Variants in CSMD1 observed in about 807,000 individuals in gnomAD.
The protein encoded by CSMD1 is CUB and sushi domain-containing protein 1.
A neutral mutation model predicts 417.5 loss-of-function variants in CSMD1; 213 were observed. The observed-to-expected ratio is 0.51, with a 90% CI of 0.46 to 0.57. The LOEUF (loss-of-function observed/expected upper bound fraction) is 0.57. Among genes scored for constraint, CSMD1 ranks in the 20% least tolerant of loss-of-function variants. The pLI, the probability that CSMD1 is intolerant of heterozygous loss-of-function variation, is 0.00. For missense variants in CSMD1, 6,923 were observed against 4,529.7 expected, an observed-to-expected ratio of 1.53 and a Z score of -15.17; for synonymous variants, 2,862 against 1,736.8, an observed-to-expected ratio of 1.65 and a Z score of -16.11.
intron 25 of CSMD1, among the ~76,000 whole-genome samples, chr8:3,302,083 C>G (rs1484774573): frequency 2.0e-5 from 3 of 152,034 alleles, no homozygotes; most frequent in Non-Finnish European, 4.4e-5. Flanking sequence ...GAGCATAACA[C>G]TGAAGACTAA....
chr8:4,900,723 C>G (rs1029974690), intron 1 of CSMD1, among the ~76,000 whole-genome samples: 1 of 152,350 alleles, frequency 6.6e-6, no homozygotes, highest in Admixed American at 6.5e-5. Context: ...CTCTCTTCCA[C>G]TCACGGAGTT....
At chr8:3,787,776 C>G (rs1473950516) in intron 5 of CSMD1, among the ~76,000 whole-genome samples, 4 of 152,184 alleles carry the variant, frequency 2.6e-5, no homozygotes, top group South Asian at 2.1e-4. Context: ...ATAATACAAG[C>G]TAGGAACTGG....
rs544713819 is a variant in CSMD1 at position 3,471,574 on chromosome 8, T to G, written c.1449-2750A>C. 1.6e-5 allele frequency among the ~76,000 whole-genome samples: 2 copies of G among 127,892 alleles called. 1 individual carries two copies. Among genetic ancestry groups the G allele is most frequent in the Non-Finnish European group, 3.4e-5 (2 of 58,476 alleles). 83.9% of individuals were successfully genotyped at this position (127,892 alleles called of 152,430 possible). On this transcript the variant is annotated intron_variant, in intron 11 of 69. Transcript: ENST00000635120. Reference sequence around the variant, plus strand: ...CTCCTCTCCCTCCCTCCTTCCTTCTTCCTCTCTCCTTCCTTCCCTCCCTCC... The same window carrying G: ...CTCCTCTCCCTCCCTCCTTCCTTCTGCCTCTCTCCTTCCTTCCCTCCCTCC...
chr8:3,785,821 C>T (rs1193404651), intron 5 of CSMD1, among the ~76,000 whole-genome samples: 1 of 152,154 alleles, frequency 6.6e-6, no homozygotes, highest in African/African-American at 2.4e-5. Context: ...TGTTGAAGAG[C>T]TTCTTCCTTA....
chr8:3,645,801 G>A (rs953102554), intron 7 of CSMD1, among the ~76,000 whole-genome samples: 1 of 152,112 alleles, frequency 6.6e-6, no homozygotes, highest in African/African-American at 2.4e-5. Context: ...CCAAAACAAA[G>A]CTGTCTATTC....
At chr8:3,849,093 G>C (rs1803703968) in intron 5 of CSMD1, among the ~76,000 whole-genome samples, 1 of 152,066 alleles carries the variant, frequency 6.6e-6, no homozygotes, top group African/African-American at 2.4e-5. Flanking sequence ...CAGTTGAAGG[G>C]ATACTTTTGT....
intron 2 of CSMD1, among the ~76,000 whole-genome samples, chr8:4,469,750 G>C (rs1437540473): frequency 6.6e-6 from 1 of 152,154 alleles, no homozygotes. Context: ...GGAGGCAATG[G>C]AAGGAGCCCT....
At chr8:3,462,601 A>T (rs1816575460) in intron 12 of CSMD1, among the ~76,000 whole-genome samples, 1 of 152,180 alleles carries the variant, frequency 6.6e-6, no homozygotes, top group Admixed American at 6.5e-5. Context: ...GCAGGAAAAC[A>T]AGCTCAGGGC....
At chr8:3,530,254 T>C (rs952089175) in intron 10 of CSMD1, among the ~76,000 whole-genome samples, 35 of 152,302 alleles carry the variant, frequency 2.3e-4, no homozygotes, top group African/African-American at 7.7e-4. Flanking sequence ...TATATTAGGT[T>C]GTTGATTCAA....
chr8:4,701,422 T>C (rs1373048373), intron 1 of CSMD1, among the ~76,000 whole-genome samples: 1 of 151,942 alleles, frequency 6.6e-6, no homozygotes, highest in Non-Finnish European at 1.5e-5. Context: ...GTCCTGTGCC[T>C]GAACCACAGC....
At chr8:4,141,713 C>A (rs539249975) in intron 3 of CSMD1, among the ~76,000 whole-genome samples, 2 of 151,086 alleles carry the variant, frequency 1.3e-5, no homozygotes, top group Non-Finnish European at 2.9e-5. Flanking sequence ...CAATTCTGAT[C>A]TAATAATCTT....
At chr8:4,177,492 T>C (rs1276272158) in intron 3 of CSMD1, among the ~76,000 whole-genome samples, 3 of 151,800 alleles carry the variant, frequency 2.0e-5, no homozygotes, top group Non-Finnish European at 2.9e-5. Context: ...AGATCCAAAA[T>C]TGACACCCGA....
intron 3 of CSMD1, among the ~76,000 whole-genome samples, chr8:4,115,522 G>T (rs918985962): frequency 6.6e-6 from 1 of 152,030 alleles, no homozygotes; most frequent in Non-Finnish European, 1.5e-5. Flanking sequence ...AAAAACGTAG[G>T]ATTCTTTCAC....
At chr8:3,975,365 G>C (rs149045656) in intron 5 of CSMD1, among the ~76,000 whole-genome samples, 5 of 152,208 alleles carry the variant, frequency 3.3e-5, no homozygotes, top group East Asian at 1.9e-4. Context: ...ATAATGTTAT[G>C]TTTCTTTTTA....
At chr8:4,806,752 A>T (rs927979980) in intron 1 of CSMD1, among the ~76,000 whole-genome samples, 41 of 152,288 alleles carry the variant, frequency 2.7e-4, no homozygotes, top group African/African-American at 9.4e-4. Flanking sequence ...TTCATTTGAA[A>T]ACCACCCATT....
chr8:4,381,692 C>A (rs550227512), intron 3 of CSMD1, among the ~76,000 whole-genome samples: 1 of 152,126 alleles, frequency 6.6e-6, no homozygotes, highest in Non-Finnish European at 1.5e-5. Context: ...GAAGCAGATG[C>A]GTCAACATCT....
At chr8:3,103,542 G>A (rs751295487) in intron 46 of CSMD1, among the ~76,000 whole-genome samples, 1 of 151,994 alleles carries the variant, frequency 6.6e-6, no homozygotes. Context: ...CCGTAGTACT[G>A]CAACTGCTAG....
intron 4 of CSMD1, among the ~76,000 whole-genome samples, chr8:4,028,373 G>C (rs950968479): frequency 6.6e-6 from 1 of 152,086 alleles, no homozygotes; most frequent in Admixed American, 6.6e-5. Flanking sequence ...AGTAGTGCCT[G>C]GCTTACAGTA....
At chr8:3,574,277 G>A (rs375617105) in intron 10 of CSMD1, among the ~76,000 whole-genome samples, 17 of 152,212 alleles carry the variant, frequency 1.1e-4, no homozygotes, top group African/African-American at 3.6e-4. Flanking sequence ...GTCTTGCTCT[G>A]TCGCCCAGGC....
Sources: allele counts gnomAD v4.1 joint callset (sites outside exome capture counted in the v4.1 genomes callset), GRCh38; gene constraint gnomAD v4.1.1; transcripts MANE v1.5; gene names NCBI Gene and HGNC (gene_info 2026-07-23, HGNC 2026-07-21).